TRAK1: variants seen among roughly 807,000 people sequenced by gnomAD.
TRAK1 encodes the protein trafficking kinesin protein 1.
A neutral mutation model predicts 92.1 loss-of-function variants in TRAK1; 33 were observed. That is an observed-to-expected ratio of 0.36 (90% CI 0.27 to 0.48). The LOEUF (loss-of-function observed/expected upper bound fraction) is 0.48, where lower values mean the gene tolerates loss of function less well. Among genes scored for constraint, TRAK1 ranks in the 20% least tolerant of loss-of-function variants. The pLI is 0.99. For synonymous variants in TRAK1, 521 were observed against 517.3 expected (o/e 1.01, Z -0.10); for missense variants, 1,123 against 1,257.9 (o/e 0.89, Z 1.62).
At chr3:42,094,612 T>C (rs1705627630) in intron 1 of TRAK1, among the ~76,000 whole-genome samples, 1 of 152,088 alleles carries the variant, frequency 6.6e-6, no homozygotes, top group African/African-American at 2.4e-5. Flanking sequence ...CCTCAAGTGA[T>C]CCTACCACCT....
intron 2 of TRAK1, among the ~76,000 whole-genome samples, chr3:42,172,114 T>C (rs564594667): frequency 6.6e-6 from 1 of 152,312 alleles, no homozygotes; most frequent in South Asian, 2.1e-4. Context: ...GATTCTCCTC[T>C]TATCTCAAAG....
At chr3:42,032,890 T>C (rs73075263) in intron 1 of TRAK1, among the ~76,000 whole-genome samples, 20,060 of 152,112 alleles carry the variant, frequency 0.13, 1,691 homozygotes, top group Admixed American at 0.22. Flanking sequence ...CCACCTGCAC[T>C]CCAGCGTGGA....
chr3:42,203,128 G>T lies in TRAK1; in HGVS notation c.1744+376G>T, dbSNP rs1035571411. The T allele has an allele frequency of 2.4e-6, 3 of 1,227,356 alleles. No individual in the cohort carries two copies. In the African/African-American group the frequency reaches 4.7e-5, roughly 19 times the overall value. The allele number at this position is 1,227,356 out of a possible 1,614,324, so 76.0% of individuals were successfully genotyped here. Reference sequence around the variant, plus strand: ...TTTGCCTGTGGGTGTGAGGAATGCAGAAAATTAATGCTTTAGCTTTTCTGC... The same window carrying T: ...TTTGCCTGTGGGTGTGAGGAATGCATAAAATTAATGCTTTAGCTTTTCTGC... On this transcript the variant is annotated intron_variant, in intron 13 of 15. Coordinates refer to ENST00000327628, the MANE Select transcript of TRAK1 (RefSeq NM_001042646.3).
intron 2 of TRAK1, among the ~76,000 whole-genome samples, chr3:42,139,678 A>AT (rs1427012579): frequency 1.3e-5 from 2 of 152,150 alleles, no homozygotes; most frequent in African/African-American, 2.4e-5. Flanking sequence ...AATGTTGAGT[A>AT]TTTATTTTTT....
intron 1 of TRAK1, among the ~76,000 whole-genome samples, chr3:42,050,814 C>T (rs542127088): frequency 2.4e-4 from 37 of 152,152 alleles, no homozygotes; most frequent in African/African-American, 7.5e-4. Flanking sequence ...TGTGCCACCG[C>T]GCCCAGCTAA....
intron 1 of TRAK1, among the ~76,000 whole-genome samples, chr3:42,063,566 G>GCCCC (rs1294832946): frequency 6.6e-6 from 1 of 152,030 alleles, no homozygotes; most frequent in African/African-American, 2.4e-5. Flanking sequence ...CACGCCTGTA[G>GCCCC]CCCCGTCTCC....
chr3:42,059,457 T>C (rs181895058), intron 1 of TRAK1, among the ~76,000 whole-genome samples: 4 of 152,334 alleles, frequency 2.6e-5, no homozygotes, highest in African/African-American at 9.6e-5. Flanking sequence ...TTTGATAGTC[T>C]TTATGAATTC....
At chr3:42,101,113 A>T (rs1292049086) in intron 1 of TRAK1, among the ~76,000 whole-genome samples, 5 of 152,180 alleles carry the variant, frequency 3.3e-5, no homozygotes, top group Admixed American at 2.6e-4. Flanking sequence ...TTTGTCTCTT[A>T]TTTGGGGATT....
At chr3:42,056,711 A>C (rs879862884) in intron 1 of TRAK1, among the ~76,000 whole-genome samples, 20 of 152,190 alleles carry the variant, frequency 1.3e-4, no homozygotes, top group Admixed American at 1.3e-3. Context: ...TCCCAAGTGC[A>C]ACATAAAAGT....
intron 2 of TRAK1, chr3:42,146,138 T>TGCAATGTATAAA: frequency 2.3e-5 from 10 of 426,264 alleles, no homozygotes; most frequent in Non-Finnish European, 4.1e-5. Context: ...CATTGTGTCC[T>TGCAATGTATAAA]TGGTCTGCAA....
chr3:42,168,348 G>C (rs1702131008), intron 2 of TRAK1, among the ~76,000 whole-genome samples: 1 of 152,158 alleles, frequency 6.6e-6, no homozygotes, highest in Admixed American at 6.5e-5. Context: ...CATGTAACAG[G>C]GAAGTGGCTG....
intron 2 of TRAK1, among the ~76,000 whole-genome samples, chr3:42,138,374 G>A (rs1698216608): frequency 6.6e-6 from 1 of 152,132 alleles, no homozygotes; most frequent in Non-Finnish European, 1.5e-5. Flanking sequence ...CCTCTTCCCA[G>A]GGCGTTGTAT....
intron 2 of TRAK1, among the ~76,000 whole-genome samples, chr3:42,138,884 T>G (rs1002171311): frequency 7.6e-6 from 1 of 130,830 alleles, no homozygotes; most frequent in Non-Finnish European, 1.8e-5. Flanking sequence ...GGGGTGTGTG[T>G]GTGTGTGTGT....
rs183109904 is a variant in TRAK1, at chr3:42,188,217, C to G, written c.581+72C>G. ...GCCGCTGTTGATGTCCTTGGAGTCACCTAGACAGGGTCACCTTCAGCAGCA... is the reference window on the plus strand; with the variant it reads ...GCCGCTGTTGATGTCCTTGGAGTCAGCTAGACAGGGTCACCTTCAGCAGCA... On this transcript the variant is annotated intron_variant, in intron 5 of 15. Coordinates refer to ENST00000327628, the MANE Select transcript of TRAK1 (RefSeq NM_001042646.3). 663 of 1,442,736 alleles carry G rather than the reference C, an allele frequency of 4.6e-4. 1 individual carries two copies. The highest frequency in any genetic ancestry group is 2.7e-3 in the Middle Eastern group (15 of 5,642). The allele number at this position is 1,442,736 out of a possible 1,614,324, so 89.4% of individuals were successfully genotyped here.
intron 1 of TRAK1, among the ~76,000 whole-genome samples, chr3:42,037,029 T>C (rs1389592862): frequency 1.3e-5 from 2 of 152,242 alleles, no homozygotes; most frequent in Non-Finnish European, 2.9e-5. Flanking sequence ...AATCTTGTTA[T>C]GTTGCCCATG....
At chr3:42,174,119 C>T (rs913291940) in intron 2 of TRAK1, among the ~76,000 whole-genome samples, 8 of 152,146 alleles carry the variant, frequency 5.3e-5, no homozygotes, top group South Asian at 4.1e-4. Flanking sequence ...CTCCACCTCC[C>T]GGGTCCAAGC....
intron 1 of TRAK1, among the ~76,000 whole-genome samples, chr3:42,105,225 A>T (rs1424987263): frequency 1.3e-5 from 2 of 152,196 alleles, no homozygotes; most frequent in Non-Finnish European, 2.9e-5. Context: ...AAGTGCTGGG[A>T]TTACAGGCAT....
intron 14 of TRAK1, among the ~76,000 whole-genome samples, chr3:42,216,785 TTG>T (rs1332453845): frequency 7.9e-5 from 12 of 152,352 alleles, no homozygotes; most frequent in African/African-American, 2.9e-4. Flanking sequence ...ATATTTGTCG[TTG>T]TTAATACTCT....
At chr3:42,063,820 G>A (rs1005706239) in intron 1 of TRAK1, among the ~76,000 whole-genome samples, 4 of 152,200 alleles carry the variant, frequency 2.6e-5, no homozygotes, top group African/African-American at 9.7e-5. Flanking sequence ...CCATCCAGAT[G>A]TAGAGTCTGT....
Sources: allele counts gnomAD v4.1 joint callset (sites outside exome capture counted in the v4.1 genomes callset), GRCh38; gene constraint gnomAD v4.1.1; transcripts MANE v1.5; gene names NCBI Gene and HGNC (gene_info 2026-07-23, HGNC 2026-07-21).